The following OPCML variants were observed in gnomAD, a reference collection of about 807,000 sequenced individuals.
OPCML encodes opioid binding protein/cell adhesion molecule like, also known as opioid-binding protein/cell adhesion molecule.
A neutral mutation model predicts 37.8 loss-of-function variants in OPCML; 13 were observed. The observed-to-expected ratio is 0.34, with a 90% CI of 0.22 to 0.55. The LOEUF is 0.55. Ranked by LOEUF, OPCML falls within the 20% of genes least tolerant of loss-of-function variation. The pLI is 0.91. For missense variants in OPCML, 341 were observed against 435.6 expected, an observed-to-expected ratio of 0.78 and a Z score of 1.93; for synonymous variants, 176 against 168.8, an observed-to-expected ratio of 1.04 and a Z score of -0.33.
chr11:132,890,655 G>C (rs1268826431), intron 2 of OPCML, among the ~76,000 whole-genome samples: 1 of 150,492 alleles, frequency 6.6e-6, no homozygotes, highest in East Asian at 1.9e-4. Context: ...GACCATCCTG[G>C]CTAATATGGT....
chr11:132,468,324 A>T (rs751972642), intron 4 of OPCML, among the ~76,000 whole-genome samples: 11 of 152,124 alleles, frequency 7.2e-5, no homozygotes, highest in Non-Finnish European at 1.6e-4. Context: ...CTTTCTATCC[A>T]TACCCCCATC....
chr11:133,393,026 A>C (rs1296875625), intron 1 of OPCML, among the ~76,000 whole-genome samples: 7 of 137,898 alleles, frequency 5.1e-5, no homozygotes, highest in African/African-American at 1.9e-4. Flanking sequence ...CTTCCTTCTC[A>C]CTGTCTGTTT....
rs4078352 is a variant in OPCML at position 133,410,323 on chromosome 11, G to A, written c.61+121941C>T. On this transcript the variant is annotated intron_variant, in intron 1 of 7. Coordinates refer to ENST00000524381, the MANE Select transcript of OPCML (RefSeq NM_001012393.5). The stretch of plus-strand genomic sequence containing the variant: ...TGATGGTTGTCCAAATTCATCTGAC[G>A]ACCCTAATACTCCCATCTCCATAAG... 2.4e-3 allele frequency among the ~76,000 whole-genome samples: 365 copies of A among 152,160 alleles called. 2 individuals carry two copies. Among genetic ancestry groups the A allele is most frequent in the African/African-American group, 8.3e-3 (346 of 41,518 alleles).
intron 1 of OPCML, among the ~76,000 whole-genome samples, chr11:133,150,158 C>T (rs1365892428): frequency 6.6e-6 from 1 of 152,230 alleles, no homozygotes; most frequent in Non-Finnish European, 1.5e-5. Context: ...TGTCTTTATT[C>T]TCCACAAATG....
Position 133,197,891 on chromosome 11 carries a change from A to G in OPCML, c.62-254881T>C, listed in dbSNP as rs139775758. ...GGGAGAAAACAGGCATATATCTGGG[A>G]CGTTCATAGCCTGAAAAGAAGGCAC... On this transcript the variant is annotated intron_variant, in intron 1 of 7. Transcript: ENST00000524381. 5.9e-5 allele frequency among the ~76,000 whole-genome samples: 9 copies of G among 152,292 alleles called. No individual in the cohort carries two copies. In the East Asian group the frequency reaches 1.7e-3, roughly 29 times the overall value.
chr11:132,492,039 GAGA>G (rs535461254), intron 4 of OPCML, among the ~76,000 whole-genome samples: 1 of 151,492 alleles, frequency 6.6e-6, no homozygotes, highest in East Asian at 1.9e-4. Context: ...TGCACAGGGA[GAGA>G]AGGTCACAAC....
intron 1 of OPCML, among the ~76,000 whole-genome samples, chr11:133,167,405 T>C (rs965573723): frequency 2.0e-4 from 31 of 152,174 alleles, no homozygotes; most frequent in African/African-American, 7.2e-4. Flanking sequence ...CCGAACTCCA[T>C]TGAATTCCAG....
chr11:133,372,737 C>T (rs958946911), intron 1 of OPCML, among the ~76,000 whole-genome samples: 1 of 152,166 alleles, frequency 6.6e-6, no homozygotes, highest in African/African-American at 2.4e-5. Flanking sequence ...TCACTGAGTT[C>T]CCTAAAAGCT....
chr11:133,008,448 G>C (rs1398663328), intron 1 of OPCML: 1 of 982,940 alleles, frequency 1.0e-6, no homozygotes, highest in African/African-American at 1.7e-5. Context: ...GATTGTGGTA[G>C]ATGCCATGAT....
intron 1 of OPCML, among the ~76,000 whole-genome samples, chr11:133,489,546 G>A (rs1186898498): frequency 1.3e-5 from 2 of 152,124 alleles, no homozygotes; most frequent in Non-Finnish European, 1.5e-5. Flanking sequence ...ACACCAGTCA[G>A]AATGACTATT....
At position 133,006,826 on chromosome 11, in the gene OPCML, G is replaced by A. The variant is rs372486729; in HGVS notation, c.62-63816C>T. On this transcript the variant is annotated intron_variant, in intron 1 of 7. Coordinates refer to ENST00000524381, the MANE Select transcript of OPCML (RefSeq NM_001012393.5). ...CTCTAGCAGGAGCAGTGACACCAGG[G>A]TAACTGGGCATGAAGTGCTGGCCAG... 1.3e-4 allele frequency: 127 copies of A among 985,436 alleles called. No individual in the cohort carries two copies. The African/African-American group carries it at 2.1e-3, about 16-fold the overall frequency. The allele number at this position is 985,436 out of a possible 1,614,324, so 61.0% of individuals were successfully genotyped here. A position where few individuals can be genotyped will look rare whatever the true frequency, so the allele number is the denominator to read the frequency against.
intron 4 of OPCML, among the ~76,000 whole-genome samples, chr11:132,483,538 C>A (rs201890544): frequency 0.039 from 5,864 of 152,098 alleles, 357 homozygotes; most frequent in African/African-American, 0.12. Context: ...GCTACCAATG[C>A]CTTTCTTCAC....
chr11:132,518,514 C>T (rs2096285200), intron 4 of OPCML, among the ~76,000 whole-genome samples: 1 of 152,206 alleles, frequency 6.6e-6, no homozygotes, highest in Admixed American at 6.5e-5. Flanking sequence ...GAAGAGCCAG[C>T]TCCAGCACAC....
At chr11:133,077,473 G>A (rs1375407987) in intron 1 of OPCML, among the ~76,000 whole-genome samples, 1 of 152,154 alleles carries the variant, frequency 6.6e-6, no homozygotes, top group Non-Finnish European at 1.5e-5. Context: ...AATGTGAAAA[G>A]TGAAATTATA....
At chr11:132,503,354 C>A (rs2096249706) in intron 4 of OPCML, among the ~76,000 whole-genome samples, 1 of 152,154 alleles carries the variant, frequency 6.6e-6, no homozygotes, top group African/African-American at 2.4e-5. Context: ...GCAGTCAGTG[C>A]ACGTAGTAAT....
chr11:133,135,651 G>A (rs1949678139), intron 1 of OPCML, among the ~76,000 whole-genome samples: 1 of 152,064 alleles, frequency 6.6e-6, no homozygotes, highest in Non-Finnish European at 1.5e-5. Flanking sequence ...ACAATTTAGA[G>A]TAGGGCAGAA....
chr11:133,502,097 G>A (rs1947927847), intron 1 of OPCML, among the ~76,000 whole-genome samples: 1 of 151,992 alleles, frequency 6.6e-6, no homozygotes, highest in Non-Finnish European at 1.5e-5. Context: ...TGGAGGACAA[G>A]TCAGCCTTTG....
chr11:132,855,548 C>T (rs924511343), intron 2 of OPCML, among the ~76,000 whole-genome samples: 7 of 152,248 alleles, frequency 4.6e-5, no homozygotes, highest in East Asian at 1.9e-4. Context: ...TCATTTCTCC[C>T]GGGTTAATAT....
At chr11:132,560,975 C>G (rs2096409475) in intron 3 of OPCML, among the ~76,000 whole-genome samples, 1 of 152,154 alleles carries the variant, frequency 6.6e-6, no homozygotes, top group Admixed American at 6.5e-5. Context: ...GGTTCTTGGT[C>G]ATGAAGACTT....
Sources: gnomAD v4.1 joint callset for allele counts (sites outside exome capture counted in the v4.1 genomes callset) on GRCh38, gnomAD v4.1.1 for gene constraint, MANE v1.5 for transcripts, NCBI Gene and HGNC (gene_info 2026-07-23, HGNC 2026-07-21) for gene names.